Variants in PHACTR4 observed in about 807,000 individuals in gnomAD.
PHACTR4 encodes protein phosphatase 1, regulatory subunit 124.
Under a neutral mutation model 72.7 loss-of-function variants are expected in PHACTR4, and 51 were observed. The observed-to-expected ratio is 0.70, with a 90% CI of 0.56 to 0.89. The LOEUF is 0.89. PHACTR4 is among the 40% of genes least tolerant of loss of function. The pLI is 0.00. For synonymous variants in PHACTR4, 255 were observed against 302.5 expected (o/e 0.84, Z 1.63); for missense variants, 731 against 861.8 (o/e 0.85, Z 1.90).
At chr1:28,496,181 C>T (rs55658975) in intron 13 of PHACTR4, among the ~76,000 whole-genome samples, 47 of 151,226 alleles carry the variant, frequency 3.1e-4, no homozygotes, top group Middle Eastern at 3.2e-3. Context: ...CTCAGCCTCG[C>T]GAGTAGCTGG....
At chr1:28,454,506 C>T (rs926531545) in intron 2 of PHACTR4, among the ~76,000 whole-genome samples, 9 of 151,864 alleles carry the variant, frequency 5.9e-5, no homozygotes, top group South Asian at 2.1e-4. Flanking sequence ...CCTCGTGATC[C>T]GCCCACCTCG....
intron 2 of PHACTR4, among the ~76,000 whole-genome samples, chr1:28,417,949 A>C (rs1279719156): frequency 7.4e-5 from 5 of 67,160 alleles, no homozygotes; most frequent in East Asian, 6.0e-4. Flanking sequence ...GAGACCCTAC[A>C]AAAAAAAAAA....
chr1:28,384,616 C>T (rs747875364), intron 1 of PHACTR4, among the ~76,000 whole-genome samples: 9 of 152,114 alleles, frequency 5.9e-5, no homozygotes, highest in Non-Finnish European at 8.8e-5. Flanking sequence ...CCAACTCCAC[C>T]AGGCGCAAGG....
chr1:28,422,455 AC>A (rs1217087618), intron 2 of PHACTR4: 4 of 152,248 alleles, frequency 2.6e-5, no homozygotes, highest in African/African-American at 9.6e-5. Context: ...AGGGACTTAA[AC>A]ATCCATGGAT....
intron 4 of PHACTR4, among the ~76,000 whole-genome samples, chr1:28,461,581 T>C (rs1360958439): frequency 1.3e-5 from 2 of 152,236 alleles, no homozygotes; most frequent in Non-Finnish European, 2.9e-5. Flanking sequence ...ATTGAAGATT[T>C]ATTATCTCAA....
At position 28,460,219 on chromosome 1, in the gene PHACTR4, A is replaced by G. The variant is rs772441868; in HGVS notation, c.198A>G (p.Glu66=). ...DKFKETSEVL[E]RKISMRKPRE... is the part of the protein sequence containing the mutation. The stretch of plus-strand genomic sequence containing the variant: ...TTTCCAATTTAATGTTAGTTTTAGA[A>G]CGGAAAATATCTATGCGAAAGCCAA... Residue 66 remains glutamate, a synonymous_variant, in exon 4 of 14, where the codon GAA becomes GAG. Transcript: ENST00000373839. 2.5e-5 allele frequency: 41 copies of G among 1,612,780 alleles called. No individual in the cohort carries two copies. The highest frequency in any genetic ancestry group is 3.3e-5 in the Non-Finnish European group (39 of 1,179,210).
At chr1:28,386,841 G>A (rs1374924066) in intron 1 of PHACTR4, among the ~76,000 whole-genome samples, 1 of 152,142 alleles carries the variant, frequency 6.6e-6, no homozygotes, top group East Asian at 1.9e-4. Context: ...AAATAGTGAA[G>A]TATCTTTCTT....
chr1:28,426,685 A>T (rs1655881636), intron 2 of PHACTR4, among the ~76,000 whole-genome samples: 1 of 151,320 alleles, frequency 6.6e-6, no homozygotes, highest in African/African-American at 2.4e-5. Context: ...GAAACGTGGA[A>T]TTGGTTCTTT....
At chr1:28,386,534 C>T (rs1364108911) in intron 1 of PHACTR4, among the ~76,000 whole-genome samples, 3 of 152,138 alleles carry the variant, frequency 2.0e-5, no homozygotes, top group African/African-American at 7.2e-5. Flanking sequence ...AAGACTCTCA[C>T]TATTATTTTG....
Position 28,453,933 on chromosome 1 carries a change from C to T in PHACTR4, c.17-5152C>T, listed in dbSNP as rs964133965. The T allele has an allele frequency of 2.2e-5, 15 of 691,936 alleles. No individual in the cohort carries two copies. In the East Asian group the frequency reaches 2.4e-4, roughly 11 times the overall value. The allele number at this position is 691,936 out of a possible 1,614,324, so 42.9% of individuals were successfully genotyped here. A position where few individuals can be genotyped will look rare whatever the true frequency, so the allele number is the denominator to read the frequency against. ...AGGCAGGAAAAGAATACATGGAACACGGCCAGGCACGGTGGCACACGCCCG... is the reference window on the plus strand; with the variant it reads ...AGGCAGGAAAAGAATACATGGAACATGGCCAGGCACGGTGGCACACGCCCG... On this transcript the variant is annotated intron_variant, in intron 2 of 13. Coordinates refer to ENST00000373839, the MANE Select transcript of PHACTR4 (RefSeq NM_001048183.3).
chr1:28,405,619 G>A (rs944549434), intron 1 of PHACTR4, among the ~76,000 whole-genome samples: 17 of 151,806 alleles, frequency 1.1e-4, no homozygotes, highest in African/African-American at 3.1e-4. Flanking sequence ...GAACCACCAC[G>A]CCTGGCCCCA....
chr1:28,412,168 T>C (rs1654834295), intron 2 of PHACTR4, among the ~76,000 whole-genome samples: 1 of 152,236 alleles, frequency 6.6e-6, no homozygotes, highest in East Asian at 1.9e-4. Flanking sequence ...AAATAGGAAT[T>C]TCACTTGAAA....
At chr1:28,489,285 T>C (rs1660893267) in intron 10 of PHACTR4, 60 bp downstream of exon 10, 1 of 1,426,418 alleles carries the variant, frequency 7.0e-7, no homozygotes, top group Admixed American at 1.9e-5. Context: ...CTGACTTTAA[T>C]ATACATAAAA....
At chr1:28,414,054 A>G (rs192250183) in intron 2 of PHACTR4, among the ~76,000 whole-genome samples, 21 of 152,090 alleles carry the variant, frequency 1.4e-4, no homozygotes, top group African/African-American at 4.8e-4. Flanking sequence ...TTTTAATTTT[A>G]CTTGTATTTG....
At chr1:28,469,924 G>A (rs958093239) in intron 6 of PHACTR4, among the ~76,000 whole-genome samples, 3 of 151,722 alleles carry the variant, frequency 2.0e-5, no homozygotes, top group African/African-American at 7.3e-5. Flanking sequence ...GGGTATGATG[G>A]TGCATGCCTA....
intron 2 of PHACTR4, among the ~76,000 whole-genome samples, chr1:28,415,270 AAAAAG>A (rs1316879369): frequency 6.9e-6 from 1 of 145,052 alleles, no homozygotes; most frequent in Non-Finnish European, 1.5e-5. Flanking sequence ...CAAAAAAAAA[AAAAAG>A]AGAGAGAAAA....
chr1:28,498,490 A>C lies in PHACTR4; in HGVS notation c.*1941A>C, dbSNP rs576865215. The C allele has an allele frequency of 6.6e-6, 1 of 152,232 alleles. No homozygotes were observed. Among genetic ancestry groups the C allele is most frequent in the Non-Finnish European group, 1.5e-5 (1 of 68,042 alleles). 9.4% of individuals were successfully genotyped at this position (152,232 alleles called of 1,614,324 possible). A position where few individuals can be genotyped will look rare whatever the true frequency, so the allele number is the denominator to read the frequency against. On this transcript the variant is annotated 3_prime_UTR_variant, in exon 14 of 14. Transcript: ENST00000373839. ...ATATTAATATGATTTCCTAAAACAGAAGATTTTGTTGCTTTCTTTGAACTT... is the reference window on the plus strand; with the variant it reads ...ATATTAATATGATTTCCTAAAACAGCAGATTTTGTTGCTTTCTTTGAACTT...
intron 1 of PHACTR4, among the ~76,000 whole-genome samples, chr1:28,401,272 C>G (rs1000554898): frequency 4.0e-5 from 6 of 149,952 alleles, no homozygotes; most frequent in African/African-American, 1.2e-4. Context: ...AGATACTTGG[C>G]TACAACAGGG....
At chr1:28,388,298 A>G (rs1488417512) in intron 1 of PHACTR4, among the ~76,000 whole-genome samples, 1 of 152,248 alleles carries the variant, frequency 6.6e-6, no homozygotes, top group African/African-American at 2.4e-5. Flanking sequence ...AGCCAGAGGC[A>G]TCATACTGTC....
Sources: gnomAD v4.1 joint callset for allele counts (sites outside exome capture counted in the v4.1 genomes callset) on GRCh38, gnomAD v4.1.1 for gene constraint, MANE v1.5 for transcripts, NCBI Gene and HGNC (gene_info 2026-07-23, HGNC 2026-07-21) for gene names.